The following MAP4K1 variants were observed in gnomAD, a reference collection of about 807,000 sequenced individuals.
MAP4K1 encodes mitogen-activated protein kinase kinase kinase kinase 1.
Under a neutral mutation model 122.8 loss-of-function variants are expected in MAP4K1, and 35 were observed. The ratio of observed to expected loss-of-function variants is 0.29; its 90% CI spans 0.22 to 0.38. MAP4K1 has a LOEUF of 0.38. MAP4K1 is among the 10% of genes least tolerant of loss of function. The pLI, the probability that MAP4K1 is intolerant of heterozygous loss-of-function variation, is 1.00. For synonymous variants in MAP4K1, 412 were observed against 421.3 expected (o/e 0.98, Z 0.27); for missense variants, 791 against 1,072.6 (o/e 0.74, Z 3.67).
At chr19:38,615,939 G>A (rs557627464) in intron 4 of MAP4K1, among the ~76,000 whole-genome samples, 2 of 149,646 alleles carry the variant, frequency 1.3e-5, no homozygotes, top group South Asian at 4.2e-4. Flanking sequence ...GATTACAGGC[G>A]TGAGCCACCA....
chr19:38,603,768 G>T (rs1975239427), intron 19 of MAP4K1, among the ~76,000 whole-genome samples: 1 of 152,132 alleles, frequency 6.6e-6, no homozygotes, highest in Admixed American at 6.6e-5. Context: ...CAGATAACTT[G>T]AGGTCAGGAG....
intron 3 of MAP4K1, among the ~76,000 whole-genome samples, chr19:38,616,788 C>A (rs1316699618): frequency 1.3e-5 from 2 of 152,110 alleles, no homozygotes; most frequent in African/African-American, 4.8e-5. Context: ...TTGGGGTACT[C>A]TTGGTCAGAA....
chr19:38,587,720 G>A lies in MAP4K1; in HGVS notation c.*28C>T, dbSNP rs781457639. ...GTGTCTATGGGGGAGGGGGTGCAAG[G>A]ACTAGTTCCTGACACCCCCCTAGGG... is the stretch of plus-strand genomic sequence containing the variant. On this transcript the variant is annotated 3_prime_UTR_variant, in exon 31 of 31. Transcript: ENST00000396857. 2 of 1,574,310 alleles carry A rather than the reference G, an allele frequency of 1.3e-6. No homozygotes were observed. Among genetic ancestry groups the A allele is most frequent in the South Asian group, 1.1e-5 (1 of 90,130 alleles).
At chr19:38,605,777 A>G (rs1436703753) in intron 17 of MAP4K1, 47 bp from the exon 18 acceptor site, 1 of 1,560,260 alleles carries the variant, frequency 6.4e-7, no homozygotes, top group Non-Finnish European at 8.6e-7. Flanking sequence ...AGATGATCTC[A>G]GAGAGGGCAC....
intron 19 of MAP4K1, among the ~76,000 whole-genome samples, chr19:38,602,557 C>CACATAT (rs1975109420): frequency 1.4e-5 from 2 of 145,794 alleles, no homozygotes; most frequent in Non-Finnish European, 3.0e-5. Context: ...TATATATACA[C>CACATAT]ACATATACAT....
At chr19:38,591,047 G>A (rs769481962) in intron 30 of MAP4K1, among the ~76,000 whole-genome samples, 2 of 151,650 alleles carry the variant, frequency 1.3e-5, no homozygotes, top group Admixed American at 6.6e-5. Flanking sequence ...AGAAGAGGCC[G>A]GGCATGGTGG....
At position 38,609,912 on chromosome 19, in the gene MAP4K1, G is replaced by A. The variant is rs140049352; in HGVS notation, c.924C>T (p.Pro308=). ...TCTTGTCAGCCAAGGCTCTCACCTC[G>A]GGCTCCTCATCCTCAATGTCCCCAA... The part of the protein sequence containing the change: ...PSIGDIEDEE[P]ELPPAIPRRI... The change falls in exon 12 of 31, where the codon CCC becomes CCT. Residue 308 remains proline, a synonymous_variant. Transcript: ENST00000396857. 6.4e-5 allele frequency: 103 copies of A among 1,613,330 alleles called. 1 individual carries two copies. In the Admixed American group the frequency reaches 7.8e-4, roughly 12 times the overall value.
intron 16 of MAP4K1, among the ~76,000 whole-genome samples, chr19:38,607,301 C>A (rs1975356189): frequency 6.6e-6 from 1 of 151,988 alleles, no homozygotes; most frequent in Non-Finnish European, 1.5e-5. Flanking sequence ...TGGCTCACAC[C>A]TGTAATCGCA....
At chr19:38,602,640 CTATACATA>C (rs1054287186) in intron 19 of MAP4K1, among the ~76,000 whole-genome samples, 11 of 90,724 alleles carry the variant, frequency 1.2e-4, no homozygotes, top group African/African-American at 3.2e-4. Flanking sequence ...ATATACACAC[CTATACATA>C]TATACATATA....
intron 30 of MAP4K1, among the ~76,000 whole-genome samples, chr19:38,592,781 G>A (rs2145931699): frequency 6.6e-6 from 1 of 151,654 alleles, no homozygotes; most frequent in Middle Eastern, 3.4e-3. Context: ...GCCGGGTGTG[G>A]TGGCACATGC....
chr19:38,611,316 A>C lies in MAP4K1; in HGVS notation c.666-11T>G. The C allele has an allele frequency of 6.2e-7, 1 of 1,605,838 alleles. No individual in the cohort carries two copies. Among genetic ancestry groups the C allele is most frequent in the Middle Eastern group, 1.7e-4 (1 of 6,028 alleles). ...ATGAGGAAGAGAACTCTAGAATAGTAGGGAAAGGACATGGGGTTCAGACCC... is the reference window on the plus strand; with the variant it reads ...ATGAGGAAGAGAACTCTAGAATAGTCGGGAAAGGACATGGGGTTCAGACCC... On this transcript the variant is annotated splice_polypyrimidine_tract_variant and intron_variant, in intron 9 of 30. Coordinates refer to ENST00000396857, the MANE Select transcript of MAP4K1 (RefSeq NM_001042600.3).
chr19:38,588,015 A>G (rs905976258), intron 30 of MAP4K1, among the ~76,000 whole-genome samples, 198 bp from the exon 31 acceptor site: 13 of 152,204 alleles, frequency 8.5e-5, no homozygotes, highest in Admixed American at 7.9e-4. Context: ...ACATGAGTGC[A>G]AAAAAGCATG....
chr19:38,595,419 C>T lies in MAP4K1; in HGVS notation c.2340+66G>A. ...ACTCTGACTCAGGAGTTCTCGGAGCCCATCTGATGAATGTCATGATGGAGG... is the reference window on the plus strand; with the variant it reads ...ACTCTGACTCAGGAGTTCTCGGAGCTCATCTGATGAATGTCATGATGGAGG... On this transcript the variant is annotated intron_variant, in intron 29 of 30. Transcript: ENST00000396857. 2.6e-6 allele frequency: 4 copies of T among 1,537,600 alleles called. No individual in the cohort carries two copies. In the East Asian group the frequency reaches 9.0e-5, roughly 35 times the overall value.
chr19:38,613,746 G>A (rs999298173), intron 8 of MAP4K1, 134 bp downstream of exon 8: 3 of 684,280 alleles, frequency 4.4e-6, no homozygotes, highest in Admixed American at 2.8e-5. Context: ...GACACCCAGA[G>A]AGAATGAAAG....
At chr19:38,589,642 C>A (rs1373665590) in intron 30 of MAP4K1, among the ~76,000 whole-genome samples, 1 of 152,046 alleles carries the variant, frequency 6.6e-6, no homozygotes, top group Non-Finnish European at 1.5e-5. Flanking sequence ...CTCAAACTCC[C>A]GACCTCAGGT....
At chr19:38,603,015 TATAC>T in intron 19 of MAP4K1, among the ~76,000 whole-genome samples, 1 of 146,316 alleles carries the variant, frequency 6.8e-6, no homozygotes, top group Non-Finnish European at 1.5e-5. Context: ...TATACACACA[TATAC>T]ATGTATACAT....
intron 7 of MAP4K1, 29 bp downstream of exon 7, chr19:38,614,014 C>T (rs780124545): frequency 1.2e-6 from 2 of 1,601,530 alleles, no homozygotes; most frequent in Non-Finnish European, 8.6e-7. Context: ...CCCAGTCAGC[C>T]CCCCTGCTCA....
intron 17 of MAP4K1, 109 bp from the exon 18 acceptor site, chr19:38,605,839 GACCC>G: frequency 9.2e-7 from 1 of 1,082,090 alleles, no homozygotes; most frequent in Non-Finnish European, 1.3e-6. Flanking sequence ...CTGTGGCTCT[GACCC>G]ACCCCCCCGA....
chr19:38,601,599 G>T, intron 19 of MAP4K1, 74 bp from the exon 20 acceptor site: 2 of 1,135,472 alleles, frequency 1.8e-6, no homozygotes, highest in South Asian at 1.3e-5. Context: ...CAGTGGTTAC[G>T]ACTTTGGAGC....
Sources: gnomAD v4.1 joint callset for allele counts (sites outside exome capture counted in the v4.1 genomes callset) on GRCh38, gnomAD v4.1.1 for gene constraint, MANE v1.5 for transcripts, NCBI Gene and HGNC (gene_info 2026-07-23, HGNC 2026-07-21) for gene names.